Variants in OR2L13 observed in about 807,000 individuals in gnomAD.
The protein encoded by OR2L13 is olfactory receptor family 2 subfamily L member 13.
OR2L13 carries 14 observed loss-of-function variants against 15.3 expected under a neutral mutation model. The observed-to-expected ratio is 0.91, with a 90% confidence interval of 0.60 to 1.43. OR2L13 has a LOEUF of 1.43. OR2L13 is among the 40% of genes most tolerant of loss of function. OR2L13 has a pLI of 0.00. For synonymous variants in OR2L13, 152 were observed against 142.9 expected, an observed-to-expected ratio of 1.06 and a Z score of -0.45; for missense variants, 367 against 387.9, an observed-to-expected ratio of 0.95 and a Z score of 0.45.
the OR2L13 span, chr1:248,060,598 A>G: frequency 3.7e-6 from 4 of 1,081,528 alleles, no homozygotes; most frequent in African/African-American, 3.1e-5. Flanking sequence ...AGGGGCTTCA[A>G]ATGCATTCCC....
the OR2L13 span, among the ~76,000 whole-genome samples, chr1:248,010,005 A>G: frequency 1.3e-5 from 2 of 152,084 alleles, no homozygotes; most frequent in African/African-American, 2.4e-5. Context: ...AGGTGTTCAC[A>G]GAACGTATCT....
chr1:247,972,074 G>C, the OR2L13 span, among the ~76,000 whole-genome samples: 1 of 152,180 alleles, frequency 6.6e-6, no homozygotes, highest in Non-Finnish European at 1.5e-5. Flanking sequence ...AAACCAGTGA[G>C]AACAAAGACA....
chr1:248,030,401 T>C, the OR2L13 span, among the ~76,000 whole-genome samples: 501 of 152,256 alleles, frequency 3.3e-3, 1 homozygote, highest in African/African-American at 0.012. Context: ...GAGTATGAAA[T>C]GCAGGCAACC....
the OR2L13 span, among the ~76,000 whole-genome samples, chr1:247,967,045 C>CCACACACACA: frequency 1.6e-4 from 24 of 147,510 alleles, no homozygotes; most frequent in Admixed American, 1.0e-3. Flanking sequence ...ACACCACACA[C>CCACACACACA]CACACACACA....
At chr1:248,071,932 A>T in the OR2L13 span, among the ~76,000 whole-genome samples, 1 of 151,706 alleles carries the variant, frequency 6.6e-6, no homozygotes, top group Admixed American at 6.6e-5. Flanking sequence ...GATGTGAAGG[A>T]CCTCTTCAAG....
chr1:248,095,077 G>A (rs1664685304), upstream of OR2L13: 1 of 152,186 alleles, frequency 6.6e-6, no homozygotes, highest in Admixed American at 6.5e-5. Flanking sequence ...AGTGACCAAG[G>A]TTTTGGCCCC....
chr1:247,980,902 C>G, the OR2L13 span: 11 of 152,070 alleles, frequency 7.2e-5, no homozygotes, highest in Admixed American at 7.2e-4. Flanking sequence ...CTAACCAAGG[C>G]AGTGTGTGTT....
the OR2L13 span, among the ~76,000 whole-genome samples, chr1:248,084,808 CATGTGAGCATTCAG>C: frequency 1.3e-5 from 2 of 152,132 alleles, no homozygotes; most frequent in South Asian, 4.1e-4. Flanking sequence ...CTACATCCAG[CATGTGAGCATTCAG>C]ATGTGAGCAG....
At chr1:247,975,447 C>T in the OR2L13 span, 16 of 746,184 alleles carry the variant, frequency 2.1e-5, no homozygotes, top group African/African-American at 3.5e-5. Flanking sequence ...CCTGTAGCAC[C>T]CACCTCACTG....
the OR2L13 span, among the ~76,000 whole-genome samples, chr1:247,989,808 T>A: frequency 6.6e-6 from 1 of 152,186 alleles, no homozygotes; most frequent in Non-Finnish European, 1.5e-5. Context: ...CATGGAAAAT[T>A]CCACAAATGA....
At chr1:248,049,979 G>GT in the OR2L13 span, among the ~76,000 whole-genome samples, 2 of 152,088 alleles carry the variant, frequency 1.3e-5, no homozygotes, top group Non-Finnish European at 2.9e-5. Context: ...CTGAATCTCA[G>GT]TTTTGTCATC....
At chr1:247,961,496 C>T in the OR2L13 span, among the ~76,000 whole-genome samples, 19 of 152,240 alleles carry the variant, frequency 1.2e-4, no homozygotes, top group South Asian at 2.9e-3. Context: ...GTAAGGTGCC[C>T]TTTGGGAAGC....
the OR2L13 span, among the ~76,000 whole-genome samples, chr1:247,973,674 A>G: frequency 2.0e-5 from 3 of 152,252 alleles, no homozygotes; most frequent in African/African-American, 7.2e-5. Flanking sequence ...AACATTTGAA[A>G]AAAAGCTCAT....
chr1:247,969,625 G>C, the OR2L13 span, among the ~76,000 whole-genome samples: 1 of 152,150 alleles, frequency 6.6e-6, no homozygotes, highest in East Asian at 1.9e-4. Context: ...CAGTATATTA[G>C]CAAAACAGGC....
At chr1:248,083,714 C>T in the OR2L13 span, 2 of 1,612,738 alleles carry the variant, frequency 1.2e-6, no homozygotes, top group Admixed American at 1.7e-5. Flanking sequence ...CTTCCTTGAC[C>T]TCACTGTTCC....
At chr1:247,938,198 C>G in the OR2L13 span, among the ~76,000 whole-genome samples, 7 of 151,938 alleles carry the variant, frequency 4.6e-5, no homozygotes, top group South Asian at 1.3e-3. Context: ...GTCTCCTATC[C>G]CTGGTGTGCT....
At chr1:248,021,891 C>T in the OR2L13 span, 4 of 1,388,558 alleles carry the variant, frequency 2.9e-6, no homozygotes, top group Non-Finnish European at 4.0e-6. Flanking sequence ...TAATGGGGAA[C>T]TACTGTACTT....
chr1:247,997,993 C>G, the OR2L13 span, among the ~76,000 whole-genome samples: 1 of 152,040 alleles, frequency 6.6e-6, no homozygotes, highest in South Asian at 2.1e-4. Flanking sequence ...TTAATTCTTA[C>G]TCAGAAAAAT....
At chr1:248,008,248 C>G in the OR2L13 span, among the ~76,000 whole-genome samples, 2 of 152,150 alleles carry the variant, frequency 1.3e-5, no homozygotes, top group South Asian at 4.1e-4. Flanking sequence ...CCCCCATATA[C>G]CTCCTAGTGA....
Sources: allele counts gnomAD v4.1 joint callset (sites outside exome capture counted in the v4.1 genomes callset), GRCh38; gene constraint gnomAD v4.1.1; transcripts MANE v1.5; gene names NCBI Gene and HGNC (gene_info 2026-07-23, HGNC 2026-07-21).